The following CEP112 variants were observed in gnomAD, a reference collection of about 807,000 sequenced individuals.
The protein encoded by CEP112 is centrosomal protein of 112 kDa.
Under a neutral mutation model 153.0 loss-of-function variants are expected in CEP112, and 127 were observed. That is an observed-to-expected ratio of 0.83 (90% CI 0.72 to 0.96). The LOEUF (loss-of-function observed/expected upper bound fraction) is 0.96, where lower values mean the gene tolerates loss of function less well. CEP112 is among the 40% of genes least tolerant of loss of function. The probability of loss-of-function intolerance (pLI) is 0.00; values close to 1 mark genes in which losing one functional copy is unlikely to be tolerated. For synonymous variants in CEP112, 358 were observed against 374.4 expected, an observed-to-expected ratio of 0.96 and a Z score of 0.51; for missense variants, 1,089 against 1,101.2, an observed-to-expected ratio of 0.99 and a Z score of 0.16.
At chr17:65,653,198 T>C (rs1034306756) in intron 24 of CEP112, among the ~76,000 whole-genome samples, 6 of 152,200 alleles carry the variant, frequency 3.9e-5, no homozygotes, top group Non-Finnish European at 7.3e-5. Context: ...AGTGTGCATA[T>C]GAATTTTCTC....
At chr17:66,138,041 C>T (rs2070516358) in intron 4 of CEP112, among the ~76,000 whole-genome samples, 2 of 152,114 alleles carry the variant, frequency 1.3e-5, no homozygotes, top group Non-Finnish European at 2.9e-5. Flanking sequence ...GGTCCCATTG[C>T]TCACCGCACA....
chr17:66,016,847 C>A (rs2064796788), intron 16 of CEP112, among the ~76,000 whole-genome samples: 1 of 152,044 alleles, frequency 6.6e-6, no homozygotes, highest in Non-Finnish European at 1.5e-5. Flanking sequence ...TGAGAAAAAT[C>A]TATCTCTAAA....
intron 24 of CEP112, among the ~76,000 whole-genome samples, chr17:65,667,560 C>CACAG (rs773208238): frequency 2.8e-5 from 3 of 105,480 alleles, no homozygotes; most frequent in African/African-American, 1.4e-4. Context: ...TGTACTCTTA[C>CACAG]ACACACACAC....
chr17:65,637,475 C>G (rs984348638), intron 25 of CEP112, among the ~76,000 whole-genome samples: 1 of 152,252 alleles, frequency 6.6e-6, no homozygotes, highest in Non-Finnish European at 1.5e-5. Context: ...CCCACCACTG[C>G]TGCTTCCACA....
intron 19 of CEP112, among the ~76,000 whole-genome samples, chr17:65,907,145 G>A (rs925316740): frequency 6.6e-6 from 1 of 152,136 alleles, no homozygotes; most frequent in South Asian, 2.1e-4. Context: ...GAAAACACAT[G>A]ACTAGAACTA....
chr17:66,082,687 C>G (rs1280108204), intron 8 of CEP112, among the ~76,000 whole-genome samples: 1 of 151,578 alleles, frequency 6.6e-6, no homozygotes, highest in Non-Finnish European at 1.5e-5. Context: ...TGCTTGAACC[C>G]AGGAGACAGA....
intron 5 of CEP112, 104 bp from the exon 6 acceptor site, chr17:66,129,927 G>T: frequency 3.3e-6 from 2 of 609,366 alleles, no homozygotes; most frequent in African/African-American, 1.9e-5. Flanking sequence ...AGAGATAAAG[G>T]GAAATAAAGA....
intron 19 of CEP112, among the ~76,000 whole-genome samples, chr17:65,918,516 G>C (rs1020680414): frequency 2.0e-5 from 3 of 152,114 alleles, no homozygotes; most frequent in African/African-American, 7.2e-5. Context: ...CTGGCCACTT[G>C]TTTATCTGCT....
intron 17 of CEP112, among the ~76,000 whole-genome samples, chr17:65,971,592 C>T (rs931431754): frequency 6.7e-6 from 1 of 149,804 alleles, no homozygotes; most frequent in Non-Finnish European, 1.5e-5. Flanking sequence ...ATATTACATG[C>T]ATGCATATTG....
chr17:65,646,566 T>G (rs570124142), intron 24 of CEP112, among the ~76,000 whole-genome samples: 2 of 152,340 alleles, frequency 1.3e-5, no homozygotes, highest in African/African-American at 4.8e-5. Flanking sequence ...TCTCCATGTT[T>G]TTATATGGAC....
chr17:65,664,015 C>T (rs1228674493), intron 24 of CEP112, among the ~76,000 whole-genome samples: 1 of 152,128 alleles, frequency 6.6e-6, no homozygotes, highest in Non-Finnish European at 1.5e-5. Context: ...TACTGCACTC[C>T]AGCCTGGGCG....
intron 2 of CEP112, among the ~76,000 whole-genome samples, chr17:66,178,714 A>ATTT (rs1373595444): frequency 6.6e-6 from 1 of 151,950 alleles, no homozygotes; most frequent in Admixed American, 6.6e-5. Flanking sequence ...TCTTTAATCC[A>ATTT]TTTTTATTTT....
Position 66,072,755 on chromosome 17 carries a change from A to C in CEP112, c.769-2754T>G, listed in dbSNP as rs1184950261. Among the ~76,000 whole-genome samples the C allele has an allele frequency of 2.0e-5, 3 of 152,282 alleles. No homozygotes were observed. The South Asian group carries it at 6.2e-4, about 32-fold the overall frequency. On this transcript the variant is annotated intron_variant, in intron 8 of 26. Transcript: ENST00000535342. Reference sequence around the variant, plus strand: ...GCCATCCTTTTAAAAAGTTAAGAGTATCTCATCTCTGGAAACTCTTACCTT... The same window carrying C: ...GCCATCCTTTTAAAAAGTTAAGAGTCTCTCATCTCTGGAAACTCTTACCTT...
chr17:65,840,417 T>A (rs2146210962), intron 21 of CEP112, among the ~76,000 whole-genome samples: 1 of 152,118 alleles, frequency 6.6e-6, no homozygotes, highest in African/African-American at 2.4e-5. Flanking sequence ...GACAGTCCCT[T>A]CAATAAACAG....
chr17:66,013,562 G>A (rs894407608), intron 16 of CEP112, among the ~76,000 whole-genome samples: 2 of 148,276 alleles, frequency 1.3e-5, no homozygotes, highest in African/African-American at 4.9e-5. Flanking sequence ...TCGGGTCACT[G>A]GCTTTGTTCT....
chr17:65,991,393 T>C (rs1405138965), intron 17 of CEP112, among the ~76,000 whole-genome samples: 3 of 152,134 alleles, frequency 2.0e-5, no homozygotes, highest in African/African-American at 7.2e-5. Flanking sequence ...ACGTTATAAA[T>C]TGCATGTGTT....
chr17:65,732,865 T>C (rs954177531), intron 23 of CEP112, among the ~76,000 whole-genome samples: 5 of 152,380 alleles, frequency 3.3e-5, no homozygotes, highest in Non-Finnish European at 7.3e-5. Flanking sequence ...AGTTTGATCT[T>C]CTACTAGACT....
chr17:66,085,422 G>GTAATCATAA (rs2067883613), intron 8 of CEP112, among the ~76,000 whole-genome samples: 1 of 152,072 alleles, frequency 6.6e-6, no homozygotes, highest in Non-Finnish European at 1.5e-5. Flanking sequence ...AAATGCAAAT[G>GTAATCATAA]TGCCATCCTG....
intron 21 of CEP112, among the ~76,000 whole-genome samples, chr17:65,811,656 C>A (rs1403048660): frequency 6.6e-6 from 1 of 152,120 alleles, no homozygotes; most frequent in Non-Finnish European, 1.5e-5. Flanking sequence ...ATGCTTTGTT[C>A]TTCCTGTGCT....
Sources: allele counts gnomAD v4.1 joint callset (sites outside exome capture counted in the v4.1 genomes callset), GRCh38; gene constraint gnomAD v4.1.1; transcripts MANE v1.5; gene names NCBI Gene and HGNC (gene_info 2026-07-23, HGNC 2026-07-21).